AGTR1: variants seen among roughly 807,000 people sequenced by gnomAD.
AGTR1 encodes the protein angiotensin II receptor type 1, also known as type-1 angiotensin II receptor.
In AGTR1, 16 loss-of-function variants were observed where a neutral mutation model predicts 19.4. The ratio of observed to expected loss-of-function variants is 0.82; its 90% CI spans 0.56 to 1.25. The LOEUF is 1.25. Ranked by LOEUF, AGTR1 falls within the 50% of genes most tolerant of loss-of-function variation. The pLI is 0.00. For synonymous variants in AGTR1, 153 were observed against 154.9 expected (o/e 0.99, Z 0.09); for missense variants, 373 against 431.9 (o/e 0.86, Z 1.21).
At chr3:148,708,280 T>C (rs895758229) in intron 2 of AGTR1, among the ~76,000 whole-genome samples, 15 of 152,328 alleles carry the variant, frequency 9.8e-5, no homozygotes, top group Admixed American at 5.2e-4. Context: ...TAATGAATCA[T>C]GTGAGAAAGT....
intron 2 of AGTR1, among the ~76,000 whole-genome samples, chr3:148,733,807 G>A (rs1576537896): frequency 6.6e-6 from 1 of 152,140 alleles, no homozygotes; most frequent in Non-Finnish European, 1.5e-5. Flanking sequence ...TTACTTACAG[G>A]CCTTCTTCCA....
chr3:148,742,159 G>A lies in AGTR1; in HGVS notation c.*44G>A. On this transcript the variant is annotated 3_prime_UTR_variant, in exon 3 of 3. Transcript: ENST00000349243. ...ATAAAGTAATTTTGTGAAAGAAGGAGCAAGAGAACATTCCTCTGCAGCACT... is the reference window on the plus strand; with the variant it reads ...ATAAAGTAATTTTGTGAAAGAAGGAACAAGAGAACATTCCTCTGCAGCACT... 3.7e-6 allele frequency: 6 copies of A among 1,607,018 alleles called. No individual in the cohort carries two copies. Among genetic ancestry groups the A allele is most frequent in the Non-Finnish European group, 5.1e-6 (6 of 1,173,664 alleles).
In AGTR1 at chr3:148,711,150, A is replaced by ATAT. The variant is rs1178896128; in HGVS notation, c.-48+3124_-48+3126dup. ...AACAGTAGTTTTTCATTTTTCATCAATATAATGATCCTGCTGTATTCTTAA... is the reference window on the plus strand; with the variant it reads ...AACAGTAGTTTTTCATTTTTCATCAATATTATAATGATCCTGCTGTATTCTTAA... On this transcript the variant is annotated intron_variant, in intron 2 of 2. Coordinates refer to ENST00000349243, the MANE Select transcript of AGTR1 (RefSeq NM_000685.5). Among the ~76,000 whole-genome samples the ATAT allele has an allele frequency of 2.0e-5, 3 of 152,268 alleles. No homozygotes were observed. In the Middle Eastern group the frequency reaches 0.01, roughly 518 times the overall value.
intron 2 of AGTR1, among the ~76,000 whole-genome samples, chr3:148,715,578 A>T (rs1713263717): frequency 6.6e-6 from 1 of 152,200 alleles, no homozygotes; most frequent in Admixed American, 6.5e-5. Context: ...AGCTTCCTTT[A>T]TCTGAGAAAA....
At chr3:148,718,670 A>T (rs731252) in intron 2 of AGTR1, among the ~76,000 whole-genome samples, 41,180 of 152,060 alleles carry the variant, frequency 0.27, 6,742 homozygotes, top group African/African-American at 0.46. Flanking sequence ...ATTAGTTTTT[A>T]AACCTATATA....
intron 2 of AGTR1, among the ~76,000 whole-genome samples, chr3:148,711,557 G>A (rs1426348697): frequency 6.6e-6 from 1 of 151,138 alleles, no homozygotes; most frequent in Non-Finnish European, 1.5e-5. Context: ...TTGTGCCTGA[G>A]TTTTTTTTTC....
At chr3:148,734,136 A>C (rs1461473949) in intron 2 of AGTR1, among the ~76,000 whole-genome samples, 1 of 152,212 alleles carries the variant, frequency 6.6e-6, no homozygotes, top group Non-Finnish European at 1.5e-5. Context: ...TTTAGAGTTG[A>C]GAGAAGTTTA....
At chr3:148,728,169 A>T (rs545769915) in intron 2 of AGTR1, among the ~76,000 whole-genome samples, 1 of 152,198 alleles carries the variant, frequency 6.6e-6, no homozygotes, top group Admixed American at 6.5e-5. Flanking sequence ...GCCTTGAAAC[A>T]TTACTTACAG....
At chr3:148,726,332 C>A (rs1483176803) in intron 2 of AGTR1, among the ~76,000 whole-genome samples, 1 of 152,086 alleles carries the variant, frequency 6.6e-6, no homozygotes, top group Non-Finnish European at 1.5e-5. Flanking sequence ...CATCAGCCTC[C>A]CGAGTAGATG....
chr3:148,705,024 A>T (rs761818726), intron 1 of AGTR1, among the ~76,000 whole-genome samples: 3 of 152,186 alleles, frequency 2.0e-5, no homozygotes, highest in South Asian at 2.1e-4. Context: ...AAGGAGAAAT[A>T]CCCAAAAGAT....
chr3:148,703,943 A>G (rs553577981), intron 1 of AGTR1, among the ~76,000 whole-genome samples: 1 of 152,318 alleles, frequency 6.6e-6, no homozygotes, highest in African/African-American at 2.4e-5. Flanking sequence ...CTGTTTGAAA[A>G]AATACCAAAA....
At chr3:148,740,471 C>T (rs12721321) in intron 2 of AGTR1, among the ~76,000 whole-genome samples, 11,677 of 152,168 alleles carry the variant, frequency 0.077, 1,523 homozygotes, top group African/African-American at 0.27. Context: ...AGGCAGCTAT[C>T]CTGACCACTT....
At chr3:148,715,432 T>C (rs1042505140) in intron 2 of AGTR1, among the ~76,000 whole-genome samples, 1 of 152,166 alleles carries the variant, frequency 6.6e-6, no homozygotes, top group Non-Finnish European at 1.5e-5. Context: ...TTCCAATAGA[T>C]GGGAGCCAAG....
chr3:148,727,553 A>T (rs1043240001), intron 2 of AGTR1, among the ~76,000 whole-genome samples: 7 of 152,166 alleles, frequency 4.6e-5, no homozygotes, highest in Non-Finnish European at 1.5e-5. Context: ...CTAATGATGA[A>T]TCTGAGCTCA....
At position 148,731,892 on chromosome 3, in the gene AGTR1, T is replaced by C. The variant is rs1248986278; in HGVS notation, c.-47-9097T>C. ...GATGGAAGAAAAGGAAACTATGTGATAAAATCAAATAAATATGACCCTTAT... is the reference window on the plus strand; with the variant it reads ...GATGGAAGAAAAGGAAACTATGTGACAAAATCAAATAAATATGACCCTTAT... On this transcript the variant is annotated intron_variant, in intron 2 of 2. Coordinates refer to ENST00000349243, the MANE Select transcript of AGTR1 (RefSeq NM_000685.5). 2.0e-5 allele frequency among the ~76,000 whole-genome samples: 3 copies of C among 152,230 alleles called. No individual in the cohort carries two copies. In the East Asian group the frequency reaches 5.8e-4, roughly 29 times the overall value.
intron 2 of AGTR1, among the ~76,000 whole-genome samples, chr3:148,709,325 G>C (rs1021257365): frequency 6.6e-6 from 1 of 152,096 alleles, no homozygotes; most frequent in Non-Finnish European, 1.5e-5. Context: ...AGCAGGAAAA[G>C]CAGGACACTT....
At chr3:148,739,450 G>T (rs1714753822) in intron 2 of AGTR1, among the ~76,000 whole-genome samples, 1 of 152,084 alleles carries the variant, frequency 6.6e-6, no homozygotes, top group African/African-American at 2.4e-5. Context: ...TGACATTTAG[G>T]GTAGATAACA....
chr3:148,713,211 T>G (rs2107937300), intron 2 of AGTR1, among the ~76,000 whole-genome samples: 1 of 152,260 alleles, frequency 6.6e-6, no homozygotes, highest in East Asian at 1.9e-4. Flanking sequence ...CAGTTTTATT[T>G]TCTTAGGACA....
intron 1 of AGTR1, among the ~76,000 whole-genome samples, chr3:148,700,185 T>C (rs1016016314): frequency 6.6e-6 from 1 of 152,166 alleles, no homozygotes; most frequent in African/African-American, 2.4e-5. Flanking sequence ...AATTTTGTTT[T>C]GGTTTTTTGT....
Sources: gnomAD v4.1 joint callset for allele counts (sites outside exome capture counted in the v4.1 genomes callset) on GRCh38, gnomAD v4.1.1 for gene constraint, MANE v1.5 for transcripts, NCBI Gene and HGNC (gene_info 2026-07-23, HGNC 2026-07-21) for gene names.